Variants in SLC26A7 observed in about 807,000 individuals in gnomAD.
SLC26A7 encodes solute carrier family 26 member 7.
A neutral mutation model predicts 82.5 loss-of-function variants in SLC26A7; 59 were observed. The observed-to-expected ratio is 0.72, with a 90% confidence interval of 0.58 to 0.89. The LOEUF (loss-of-function observed/expected upper bound fraction) is 0.89, where lower values mean the gene tolerates loss of function less well. Ranked by LOEUF, SLC26A7 falls within the 40% of genes least tolerant of loss-of-function variation. The pLI is 0.00. For missense variants in SLC26A7, 820 were observed against 793.0 expected, an observed-to-expected ratio of 1.03 and a Z score of -0.41; for synonymous variants, 271 against 274.3, an observed-to-expected ratio of 0.99 and a Z score of 0.12.
chr8:91,313,146 TTTGA>T (rs1812536465), intron 4 of SLC26A7, among the ~76,000 whole-genome samples: 1 of 152,174 alleles, frequency 6.6e-6, no homozygotes, highest in South Asian at 2.1e-4. Context: ...TTTGAACCAT[TTTGA>T]TTAATTTTTG....
intron 4 of SLC26A7, among the ~76,000 whole-genome samples, chr8:91,316,573 G>T (rs573981606): frequency 6.9e-6 from 1 of 144,932 alleles, no homozygotes; most frequent in African/African-American, 2.6e-5. Flanking sequence ...CTCCCAAAGT[G>T]CTGGGATTAC....
At chr8:91,236,492 G>A (rs1042801180) in intron 2 of SLC26A7, among the ~76,000 whole-genome samples, 1 of 151,938 alleles carries the variant, frequency 6.6e-6, no homozygotes, top group African/African-American at 2.4e-5. Flanking sequence ...AATGAGATGA[G>A]CTGATGTAAT....
chr8:91,216,762 T>C (rs1233522839), intron 1 of SLC26A7, among the ~76,000 whole-genome samples: 2 of 152,160 alleles, frequency 1.3e-5, no homozygotes, highest in Non-Finnish European at 2.9e-5. Context: ...AGATTTAAAA[T>C]ATTATATGTG....
intron 5 of SLC26A7, among the ~76,000 whole-genome samples, chr8:91,325,549 C>T (rs1429173303): frequency 6.6e-6 from 1 of 152,010 alleles, no homozygotes; most frequent in Non-Finnish European, 1.5e-5. Flanking sequence ...GTATTGCTTC[C>T]CTTGTACTAA....
chr8:91,218,998 T>C (rs1810110668), exon 2 of SLC26A7: 1 of 1,534,916 alleles, frequency 6.5e-7, no homozygotes, highest in Non-Finnish European at 8.8e-7. Flanking sequence ...TGCTCAGGTG[T>C]AGAACAGGTG....
At chr8:91,258,868 T>C (rs944161375) in intron 2 of SLC26A7, among the ~76,000 whole-genome samples, 1 of 152,108 alleles carries the variant, frequency 6.6e-6, no homozygotes, top group Non-Finnish European at 1.5e-5. Flanking sequence ...CTATTCTCTA[T>C]CTTAAACTCC....
At chr8:91,350,892 G>T (rs1475105286) in intron 9 of SLC26A7, among the ~76,000 whole-genome samples, 2 of 152,146 alleles carry the variant, frequency 1.3e-5, no homozygotes, top group Non-Finnish European at 2.9e-5. Context: ...TTTCAGAGTA[G>T]CTGTACCATA....
rs994318958 is a variant in SLC26A7, at chr8:91,346,771, G to A, written c.1140+3305G>A. Among the ~76,000 whole-genome samples, 3 of 152,148 alleles carry A rather than the reference G, an allele frequency of 2.0e-5. No individual in the cohort carries two copies. In the South Asian group the frequency reaches 6.2e-4, roughly 32 times the overall value. The stretch of plus-strand genomic sequence containing the variant: ...TCTACCAGGCGCTGAGTGCGTCCTG[G>A]CACAGCCTCCTCTTGGCCTGTTCTC... On this transcript the variant is annotated intron_variant, in intron 9 of 18. Coordinates refer to ENST00000276609, the MANE Select transcript of SLC26A7 (RefSeq NM_052832.4).
intron 2 of SLC26A7, among the ~76,000 whole-genome samples, chr8:91,286,794 T>C (rs961763597): frequency 2.6e-5 from 4 of 152,184 alleles, no homozygotes; most frequent in African/African-American, 9.7e-5. Flanking sequence ...TGTGTATGTG[T>C]GTGCATATGC....
intron 15 of SLC26A7, among the ~76,000 whole-genome samples, chr8:91,388,787 C>T (rs1352209819): frequency 6.6e-6 from 1 of 151,962 alleles, no homozygotes; most frequent in Non-Finnish European, 1.5e-5. Context: ...TACTATGAAC[C>T]GAATGAAGCT....
intron 2 of SLC26A7, among the ~76,000 whole-genome samples, chr8:91,284,139 GTTTTCTAT>G (rs1811648917): frequency 6.6e-6 from 1 of 152,144 alleles, no homozygotes; most frequent in Non-Finnish European, 1.5e-5. Flanking sequence ...AAGATATTTA[GTTTTCTAT>G]TTTTGTAGAA....
chr8:91,360,882 C>G (rs1239734141), intron 11 of SLC26A7, among the ~76,000 whole-genome samples: 3 of 152,010 alleles, frequency 2.0e-5, no homozygotes, highest in Non-Finnish European at 4.4e-5. Flanking sequence ...AAACTTGCAG[C>G]CTTGTTTTGT....
chr8:91,235,863 A>G (rs1426003338), intron 2 of SLC26A7, among the ~76,000 whole-genome samples: 3 of 152,200 alleles, frequency 2.0e-5, no homozygotes, highest in Non-Finnish European at 2.9e-5. Context: ...ATATGCTCAT[A>G]TAACAAATAG....
At chr8:91,252,562 C>A (rs1237927300) in intron 2 of SLC26A7, among the ~76,000 whole-genome samples, 2 of 151,854 alleles carry the variant, frequency 1.3e-5, no homozygotes, top group Admixed American at 1.3e-4. Flanking sequence ...GATTTTTTGC[C>A]TCCCACCAAA....
chr8:91,338,052 G>A, intron 6 of SLC26A7, 98 bp from the exon 7 acceptor site: 6 of 635,618 alleles, frequency 9.4e-6, no homozygotes, highest in Middle Eastern at 4.4e-4. Context: ...TGATGTTTAT[G>A]GGACATGAGA....
chr8:91,327,437 T>G (rs1812963421), intron 5 of SLC26A7, among the ~76,000 whole-genome samples: 1 of 152,202 alleles, frequency 6.6e-6, no homozygotes, highest in African/African-American at 2.4e-5. Context: ...AATAGTTTAT[T>G]CGGTGGTGCT....
At chr8:91,240,384 G>A (rs928763495) in intron 2 of SLC26A7, among the ~76,000 whole-genome samples, 1 of 152,132 alleles carries the variant, frequency 6.6e-6, no homozygotes, top group Non-Finnish European at 1.5e-5. Context: ...AATTAATGGG[G>A]AGAATGAGAA....
intron 13 of SLC26A7, among the ~76,000 whole-genome samples, chr8:91,364,724 C>T (rs2130872961): frequency 6.6e-6 from 1 of 152,252 alleles, no homozygotes; most frequent in Admixed American, 6.5e-5. Flanking sequence ...TAAATTCTAT[C>T]TAATCCTTAA....
chr8:91,380,889 T>A (rs528675624), intron 15 of SLC26A7, among the ~76,000 whole-genome samples: 1 of 152,290 alleles, frequency 6.6e-6, no homozygotes, highest in East Asian at 1.9e-4. Context: ...ATAACTCAGG[T>A]GTCCAACTAA....
Sources: allele counts gnomAD v4.1 joint callset (sites outside exome capture counted in the v4.1 genomes callset), GRCh38; gene constraint gnomAD v4.1.1; transcripts MANE v1.5; gene names NCBI Gene and HGNC (gene_info 2026-07-23, HGNC 2026-07-21).